ERBIN: variants seen among roughly 807,000 people sequenced by gnomAD.
ERBIN encodes densin-180-like protein.
A neutral mutation model predicts 158.4 loss-of-function variants in ERBIN; 60 were observed. The observed-to-expected ratio is 0.38, with a 90% CI of 0.31 to 0.47. The LOEUF is 0.47. Ranked by LOEUF, ERBIN falls within the 20% of genes least tolerant of loss-of-function variation. The probability of loss-of-function intolerance (pLI) is 0.99; values close to 1 mark genes in which losing one functional copy is unlikely to be tolerated. For synonymous variants in ERBIN, 594 were observed against 557.2 expected, an observed-to-expected ratio of 1.07 and a Z score of -0.93; for missense variants, 1,610 against 1,648.0, an observed-to-expected ratio of 0.98 and a Z score of 0.40.
rs780531962 is a variant in ERBIN, at chr5:66,048,712, A to ATGC, written c.1835_1837dup (p.Met612_Arg613insLeu). On this transcript the variant is annotated inframe_insertion, in exon 19 of 26. Transcript: ENST00000284037. ...TGATGAAGAGATGAAAATGGCGGAG[A>ATGC]TGCGACCACCATTAATTGAAACCTC... 2.0e-5 allele frequency: 32 copies of ATGC among 1,608,876 alleles called. No individual in the cohort carries two copies. Among genetic ancestry groups the ATGC allele is most frequent in the Non-Finnish European group, 2.6e-5 (31 of 1,177,566 alleles).
At chr5:66,001,727 T>G (rs968749843) in intron 4 of ERBIN, among the ~76,000 whole-genome samples, 2 of 152,216 alleles carry the variant, frequency 1.3e-5, no homozygotes, top group African/African-American at 4.8e-5. Flanking sequence ...AATGTTAATT[T>G]GTTCTGGGTC....
chr5:65,980,427 CA>C (rs910874055), intron 1 of ERBIN, among the ~76,000 whole-genome samples: 1 of 150,410 alleles, frequency 6.6e-6, no homozygotes, highest in Admixed American at 6.6e-5. Flanking sequence ...GACTCCGTCT[CA>C]AAAAAAACAA....
intron 1 of ERBIN, among the ~76,000 whole-genome samples, chr5:65,967,930 C>T (rs1023818931): frequency 3.3e-5 from 5 of 152,154 alleles, no homozygotes; most frequent in African/African-American, 9.7e-5. Flanking sequence ...ACTTGAGTTT[C>T]CTTACAGCAA....
intron 1 of ERBIN, among the ~76,000 whole-genome samples, chr5:65,949,194 A>G (rs1337826268): frequency 6.6e-6 from 1 of 152,176 alleles, no homozygotes; most frequent in Non-Finnish European, 1.5e-5. Flanking sequence ...ATATTATTAT[A>G]AAGTTTATAG....
intron 1 of ERBIN, among the ~76,000 whole-genome samples, chr5:65,977,831 G>A (rs1454549151): frequency 6.6e-6 from 1 of 152,174 alleles, no homozygotes; most frequent in Non-Finnish European, 1.5e-5. Context: ...GTTGTAGCGA[G>A]CCGAGATCAC....
In ERBIN at chr5:66,078,494, A is replaced by G; in HGVS notation, c.4203A>G (p.Thr1401=). 6.2e-7 allele frequency: 1 copy of G among 1,606,148 alleles called. No individual in the cohort carries two copies. The highest frequency in any genetic ancestry group is 1.1e-5 in the South Asian group (1 of 88,724). ...CCTTGCTAAAAACTTTCCAGAATACAGTTGAACTCATCATTGTACGAGAAG... is the reference window on the plus strand; with the variant it reads ...CCTTGCTAAAAACTTTCCAGAATACGGTTGAACTCATCATTGTACGAGAAG... ...AVSLLKTFQN[T]VELIIVREVS... The change falls in exon 26 of 26, where the codon ACA becomes ACG. Residue 1401 remains threonine, a synonymous_variant. Transcript: ENST00000284037.
At chr5:65,983,692 T>C (rs1168716838) in intron 1 of ERBIN, among the ~76,000 whole-genome samples, 7 of 152,224 alleles carry the variant, frequency 4.6e-5, no homozygotes, top group Non-Finnish European at 7.3e-5. Context: ...CCACATAAGA[T>C]TGCTCTTAAA....
intron 1 of ERBIN, among the ~76,000 whole-genome samples, chr5:65,970,198 C>T (rs1476266299): frequency 3.7e-4 from 57 of 152,096 alleles, no homozygotes; most frequent in Non-Finnish European, 4.4e-5. Context: ...GGACATTCCC[C>T]TCATATTTTA....
At chr5:65,930,264 C>G (rs1198860347) in intron 1 of ERBIN, among the ~76,000 whole-genome samples, 1 of 152,184 alleles carries the variant, frequency 6.6e-6, no homozygotes, top group Admixed American at 6.5e-5. Context: ...TGCATTTCAA[C>G]TAAGTGTACA....
chr5:66,018,368 T>C (rs1202710171), intron 7 of ERBIN, among the ~76,000 whole-genome samples: 1 of 130,460 alleles, frequency 7.7e-6, no homozygotes, highest in Non-Finnish European at 1.6e-5. Flanking sequence ...TTTTCTTGTA[T>C]AGATCTTTCA....
chr5:66,062,530 C>G (rs1466098217), intron 21 of ERBIN, among the ~76,000 whole-genome samples: 2 of 152,112 alleles, frequency 1.3e-5, no homozygotes, highest in African/African-American at 4.8e-5. Flanking sequence ...CTGAAGCCTT[C>G]CTCTCTCAAC....
chr5:65,927,276 GTATA>G (rs1367189295), intron 1 of ERBIN, among the ~76,000 whole-genome samples: 2 of 152,128 alleles, frequency 1.3e-5, no homozygotes, highest in African/African-American at 4.8e-5. Flanking sequence ...TGCGTTAATT[GTATA>G]TAGAGGTATT....
intron 7 of ERBIN, among the ~76,000 whole-genome samples, chr5:66,016,109 G>C (rs1414147621): frequency 1.3e-5 from 2 of 152,178 alleles, no homozygotes; most frequent in Non-Finnish European, 2.9e-5. Context: ...CCAAAAGACA[G>C]TGTTTTGAGT....
intron 14 of ERBIN, among the ~76,000 whole-genome samples, chr5:66,037,199 T>C (rs1348544283): frequency 6.6e-6 from 1 of 152,128 alleles, no homozygotes; most frequent in East Asian, 1.9e-4. Flanking sequence ...TTGTATATGT[T>C]GAATTACTCG....
chr5:66,044,029 T>A, intron 16 of ERBIN, 108 bp from the exon 17 acceptor site: 1 of 724,158 alleles, frequency 1.4e-6, no homozygotes, highest in South Asian at 3.1e-5. Flanking sequence ...CAGTTATCCC[T>A]ATGAGCTTGA....
chr5:66,053,319 C>A, intron 20 of ERBIN, 87 bp from the exon 21 acceptor site: 1 of 739,544 alleles, frequency 1.4e-6, no homozygotes, highest in Non-Finnish European at 2.1e-6. Flanking sequence ...TTTAACTTGT[C>A]TACCTACACA....
At position 66,053,621 on chromosome 5, in the gene ERBIN, A is replaced by G. The variant is rs146566481; in HGVS notation, c.2303A>G (p.Asn768Ser). 46 of 1,611,366 alleles carry G rather than the reference A, an allele frequency of 2.9e-5. No homozygotes were observed. Among genetic ancestry groups the G allele is most frequent in the South Asian group, 1.2e-4 (11 of 90,758 alleles). ...TTAGATCATATCAATATGAATCTTA[A>G]TAAACTTATAACTAATGATACATTT... ...HKLDHINMNLNKLITNDTFQP... is the reference protein window; with the variant it reads ...HKLDHINMNLSKLITNDTFQP... The change falls in exon 21 of 26, where the codon AAT (asparagine) becomes AGT (serine). Residue 768 changes from asparagine (N) to serine (S), a missense_variant. By Grantham distance (46) the Asn-to-Ser change is conservative (BLOSUM62 1). Coordinates refer to ENST00000284037, the MANE Select transcript of ERBIN (RefSeq NM_001253697.2).
At chr5:66,030,499 T>C (rs1357379576) in intron 14 of ERBIN, among the ~76,000 whole-genome samples, 1 of 151,852 alleles carries the variant, frequency 6.6e-6, no homozygotes, top group Non-Finnish European at 1.5e-5. Context: ...AACTTCACAA[T>C]GAATGAGACA....
At chr5:66,013,994 G>A (rs1400943360) in intron 6 of ERBIN, among the ~76,000 whole-genome samples, 1 of 152,074 alleles carries the variant, frequency 6.6e-6, no homozygotes, top group Admixed American at 6.6e-5. Context: ...CTTAAGAAAA[G>A]AGAATCTGTT....
Sources: allele counts gnomAD v4.1 joint callset (sites outside exome capture counted in the v4.1 genomes callset), GRCh38; gene constraint gnomAD v4.1.1; transcripts MANE v1.5; gene names NCBI Gene and HGNC (gene_info 2026-07-23, HGNC 2026-07-21).